The following ANKRD28 variants were observed in gnomAD, a reference collection of about 807,000 sequenced individuals.
The protein encoded by ANKRD28 is serine/threonine-protein phosphatase 6 regulatory ankyrin repeat subunit A.
A neutral mutation model predicts 126.5 loss-of-function variants in ANKRD28; 44 were observed. The ratio of observed to expected loss-of-function variants is 0.35; its 90% CI spans 0.27 to 0.45. The LOEUF (loss-of-function observed/expected upper bound fraction) is 0.45, where lower values mean the gene tolerates loss of function less well. Ranked by LOEUF, ANKRD28 falls within the 20% of genes least tolerant of loss-of-function variation. ANKRD28 has a pLI of 1.00. For missense variants in ANKRD28, 1,110 were observed against 1,316.6 expected, an observed-to-expected ratio of 0.84 and a Z score of 2.43; for synonymous variants, 442 against 468.5, an observed-to-expected ratio of 0.94 and a Z score of 0.73.
chr3:15,832,705 T>G (rs2061232020), intron 1 of ANKRD28, among the ~76,000 whole-genome samples: 1 of 152,198 alleles, frequency 6.6e-6, no homozygotes, highest in Admixed American at 6.5e-5. Flanking sequence ...GAACATGCAG[T>G]ATTTGACTAT....
chr3:15,676,761 A>G (rs2066981756), intron 26 of ANKRD28: 1 of 413,252 alleles, frequency 2.4e-6, no homozygotes, highest in Non-Finnish European at 4.3e-6. Flanking sequence ...ATTATTGTCA[A>G]TGTTATAATA....
chr3:15,706,006 G>A (rs9831458), intron 14 of ANKRD28, among the ~76,000 whole-genome samples: 152,150 of 152,150 alleles, frequency 1, 76,075 homozygotes, highest in Non-Finnish European at 1. Context: ...ATCTCAAAAC[G>A]AAACAAAACA....
At chr3:15,771,739 C>A (rs56865899) in intron 2 of ANKRD28, among the ~76,000 whole-genome samples, 2,514 of 152,220 alleles carry the variant, frequency 0.017, 66 homozygotes, top group African/African-American at 0.057. Context: ...AACATCCAAA[C>A]GATATCATTT....
chr3:15,806,322 A>C (rs1050045401), intron 1 of ANKRD28, among the ~76,000 whole-genome samples: 5 of 152,150 alleles, frequency 3.3e-5, no homozygotes, highest in Admixed American at 2.0e-4. Context: ...CCCATTCCTA[A>C]CTAGGTTGTT....
intron 1 of ANKRD28, among the ~76,000 whole-genome samples, chr3:15,844,985 G>A (rs1276349161): frequency 1.3e-5 from 2 of 152,118 alleles, no homozygotes; most frequent in African/African-American, 4.8e-5. Flanking sequence ...GAAGGCAAAG[G>A]AGAAGCAGGC....
At chr3:15,825,439 G>C (rs2061040754) in intron 1 of ANKRD28, among the ~76,000 whole-genome samples, 1 of 152,178 alleles carries the variant, frequency 6.6e-6, no homozygotes, top group South Asian at 2.1e-4. Flanking sequence ...GAAGACCAAA[G>C]AGTAAAGAGC....
chr3:15,674,934 G>C (rs940564055), intron 27 of ANKRD28, among the ~76,000 whole-genome samples: 1 of 152,204 alleles, frequency 6.6e-6, no homozygotes, highest in Admixed American at 6.5e-5. Flanking sequence ...TATGTGTAGG[G>C]GTGAGGGGGA....
chr3:15,792,251 C>G (rs1003442644), intron 2 of ANKRD28, among the ~76,000 whole-genome samples: 1 of 152,088 alleles, frequency 6.6e-6, no homozygotes, highest in Non-Finnish European at 1.5e-5. Context: ...ATCAGTGTAT[C>G]GAAGAGATCT....
chr3:15,742,349 C>T (rs1001685515), intron 4 of ANKRD28, among the ~76,000 whole-genome samples: 3 of 150,716 alleles, frequency 2.0e-5, no homozygotes, highest in South Asian at 2.1e-4. Flanking sequence ...TCTGCTCGGC[C>T]GCCCATCGTC....
At chr3:15,852,757 T>C (rs2061680336) in intron 1 of ANKRD28, among the ~76,000 whole-genome samples, 1 of 132,186 alleles carries the variant, frequency 7.6e-6, no homozygotes, top group African/African-American at 2.9e-5. Flanking sequence ...GGTATGAACC[T>C]GGGAGGTGGA....
chr3:15,855,504 A>C (rs2061745948), intron 1 of ANKRD28, among the ~76,000 whole-genome samples: 1 of 152,224 alleles, frequency 6.6e-6, no homozygotes, highest in African/African-American at 2.4e-5. Context: ...AATTCCAAAA[A>C]CAGAAATAAA....
chr3:15,816,605 T>C lies in ANKRD28; in HGVS notation c.28-21299A>G, dbSNP rs142353527. Reference sequence around the variant, plus strand: ...TATAAAGTTGCTTCAAAAGGAAAAGTGTTTGGTGCCCTTTATTTTACTACA... The same window carrying C: ...TATAAAGTTGCTTCAAAAGGAAAAGCGTTTGGTGCCCTTTATTTTACTACA... On this transcript the variant is annotated intron_variant, in intron 1 of 27. Transcript: ENST00000399451. The surrounding 1 kb of genome is among the most constrained non-coding windows in gnomAD (Gnocchi z 5.0). Among the ~76,000 whole-genome samples, 572 of 152,356 alleles carry C rather than the reference T, an allele frequency of 3.8e-3. No individual in the cohort carries two copies. The highest frequency in any genetic ancestry group is 6.6e-3 in the Non-Finnish European group (451 of 68,026).
chr3:15,850,199 AAAAAAATATATATAT>A lies in ANKRD28; in HGVS notation c.27+9163_27+9177del, dbSNP rs1241574396. Among the ~76,000 whole-genome samples, 7 of 58,364 alleles carry A rather than the reference AAAAAAATATATATAT, an allele frequency of 1.2e-4. No homozygotes were observed. The East Asian group carries it at 3.6e-3, about 30-fold the overall frequency. 38.3% of individuals were successfully genotyped at this position (58,364 alleles called of 152,430 possible). ...GGGTATCTACATGCAATAAAAAAAA[AAAAAAATATATATAT>A]ATATATATATAGAGAGAGAGAGAGA... On this transcript the variant is annotated intron_variant, in intron 1 of 27. Transcript: ENST00000399451.
At chr3:15,790,384 A>T (rs2059972287) in intron 2 of ANKRD28, among the ~76,000 whole-genome samples, 1 of 152,164 alleles carries the variant, frequency 6.6e-6, no homozygotes, top group South Asian at 2.1e-4. Flanking sequence ...TTAATGCAGA[A>T]ATCCTCAACA....
intron 1 of ANKRD28, among the ~76,000 whole-genome samples, chr3:15,850,262 G>GAT (rs1179512677): frequency 3.0e-4 from 40 of 135,078 alleles, no homozygotes; most frequent in African/African-American, 1.1e-3. Context: ...GAGAGAGAGA[G>GAT]AAAGTTGAAA....
In ANKRD28 at chr3:15,766,317, G is replaced by C. The variant is rs202181402; in HGVS notation, c.202-5C>G. 6.9e-6 allele frequency: 11 copies of C among 1,603,300 alleles called. No homozygotes were observed. The highest frequency in any genetic ancestry group is 2.2e-5 in the South Asian group (2 of 89,244). ...TGGGGTTCGCTTTTCATTGTCCTGT[G>C]ATAATAAGGAAAGGTGGGAAATAAG... On this transcript the variant is annotated splice_polypyrimidine_tract_variant and splice_region_variant and intron_variant, in intron 2 of 27. Coordinates refer to ENST00000683139, the MANE Select transcript of ANKRD28 (RefSeq NM_001349278.2).
At position 15,823,401 on chromosome 3, in the gene ANKRD28, A is replaced by G. The variant is rs559505580; in HGVS notation, c.28-28095T>C. 2.6e-5 allele frequency among the ~76,000 whole-genome samples: 4 copies of G among 152,316 alleles called. No individual in the cohort carries two copies. The East Asian group carries it at 5.8e-4, about 22-fold the overall frequency. On this transcript the variant is annotated intron_variant, in intron 1 of 27. Coordinates refer to the ANKRD28 transcript ENST00000399451. ...CCTGCTATAACAAATAAAGAGATTG[A>G]ATAAAGAATTAAAACCTCCCAACAA...
At chr3:15,859,566 C>G (rs2061860672) in exon 1 of ANKRD28, 1 of 391,766 alleles carries the variant, frequency 2.6e-6, no homozygotes, top group Non-Finnish European at 3.7e-6. Flanking sequence ...GGGGCGGCGC[C>G]GCCTCCCCGG....
At position 15,853,600 on chromosome 3, in the gene ANKRD28, G is replaced by C. The variant is rs1296146339; in HGVS notation, c.27+5777C>G. Among the ~76,000 whole-genome samples, 3 of 152,052 alleles carry C rather than the reference G, an allele frequency of 2.0e-5. No individual in the cohort carries two copies. The highest frequency in any genetic ancestry group is 4.4e-5 in the Non-Finnish European group (3 of 68,006). On this transcript the variant is annotated intron_variant, in intron 1 of 27. Transcript: ENST00000399451. This position sits in a 1 kb window ranked among gnomAD's most constrained non-coding sequence, Gnocchi z 4.2. Reference sequence around the variant, plus strand: ...TTCTCCTGCCTCAGCCTCTCGAGTAGCTGGGACTACAGGCGCCCGCCACCA... The same window carrying C: ...TTCTCCTGCCTCAGCCTCTCGAGTACCTGGGACTACAGGCGCCCGCCACCA...
Sources: allele counts gnomAD v4.1 joint callset (sites outside exome capture counted in the v4.1 genomes callset), GRCh38; gene constraint gnomAD v4.1.1; non-coding constraint Gnocchi (gnomAD v3.1); transcripts MANE v1.5; gene names NCBI Gene and HGNC (gene_info 2026-07-23, HGNC 2026-07-21).